The following IQSEC1 variants were observed in gnomAD, a reference collection of about 807,000 sequenced individuals.
IQSEC1 encodes IQ motif and SEC7 domain-containing protein 1.
In IQSEC1, 31 loss-of-function variants were observed where a neutral mutation model predicts 91.0. The ratio of observed to expected loss-of-function variants is 0.34; its 90% CI spans 0.26 to 0.46. The LOEUF (loss-of-function observed/expected upper bound fraction) is 0.46. Among genes scored for constraint, IQSEC1 ranks in the 20% least tolerant of loss-of-function variants. IQSEC1 has a pLI of 1.00. For synonymous variants in IQSEC1, 699 were observed against 662.6 expected (o/e 1.05, Z -0.84); for missense variants, 1,388 against 1,575.6 (o/e 0.88, Z 2.02).
At chr3:12,978,313 A>C (rs1275445777) in intron 1 of IQSEC1, among the ~76,000 whole-genome samples, 1 of 152,212 alleles carries the variant, frequency 6.6e-6, no homozygotes, top group Non-Finnish European at 1.5e-5. Context: ...GTGGGGTCCT[A>C]GAAACAGCAG....
intron 1 of IQSEC1, among the ~76,000 whole-genome samples, chr3:12,971,397 A>G (rs1449949646): frequency 6.6e-6 from 1 of 152,228 alleles, no homozygotes; most frequent in Admixed American, 6.5e-5. Flanking sequence ...GGCATGCCCA[A>G]GGATATTAAT....
intron 1 of IQSEC1, among the ~76,000 whole-genome samples, chr3:12,949,561 G>A (rs1419630519): frequency 6.6e-6 from 1 of 152,258 alleles, no homozygotes; most frequent in African/African-American, 2.4e-5. Context: ...TCCAGAAAGG[G>A]AGCCTAGACT....
chr3:13,197,417 C>T (rs973130795), intron 1 of IQSEC1, among the ~76,000 whole-genome samples: 3 of 152,134 alleles, frequency 2.0e-5, no homozygotes, highest in Non-Finnish European at 4.4e-5. Context: ...GCAGACAGGA[C>T]GTGCTGGTGC....
intron 3 of IQSEC1, among the ~76,000 whole-genome samples, chr3:12,933,777 C>G (rs545940160): frequency 6.6e-6 from 1 of 152,370 alleles, no homozygotes; most frequent in South Asian, 2.1e-4. Context: ...GAAGGAGAGA[C>G]TGCAACATGC....
At chr3:13,058,411 C>T (rs180853844) in intron 1 of IQSEC1, among the ~76,000 whole-genome samples, 2 of 152,384 alleles carry the variant, frequency 1.3e-5, no homozygotes, top group Admixed American at 1.3e-4. Context: ...CTGAGTGCCA[C>T]TGTGTGCCTG....
At chr3:13,108,298 T>C (rs943059894) in intron 2 of IQSEC1, among the ~76,000 whole-genome samples, 2 of 152,242 alleles carry the variant, frequency 1.3e-5, no homozygotes, top group Non-Finnish European at 2.9e-5. Context: ...CTAAGTTTTG[T>C]TATTGCTAAC....
chr3:13,042,069 C>T (rs1026053382), intron 1 of IQSEC1, among the ~76,000 whole-genome samples: 4 of 152,246 alleles, frequency 2.6e-5, no homozygotes, highest in Non-Finnish European at 4.4e-5. Flanking sequence ...GACTCTTTCT[C>T]TGCAGAAACT....
chr3:13,041,653 C>T lies in IQSEC1; in HGVS notation c.23+31339G>A, dbSNP rs192741190. Among the ~76,000 whole-genome samples, 276 of 152,332 alleles carry T rather than the reference C, an allele frequency of 1.8e-3. 1 individual carries two copies. The highest frequency in any genetic ancestry group is 6.3e-3 in the African/African-American group (262 of 41,576). On this transcript the variant is annotated intron_variant, in intron 1 of 13. Transcript: ENST00000613206. ...GTGTGCACTGGACAGAACACACACG[C>T]TCGGAAGAACCTGCCGGAGGTATGA...
upstream of IQSEC1, among the ~76,000 whole-genome samples, chr3:13,077,030 CTTTTT>C (rs11360262): frequency 6.9e-6 from 1 of 144,854 alleles, no homozygotes. Flanking sequence ...TTCTTTCTTT[CTTTTT>C]TTTTTTTTTT....
intron 13 of IQSEC1, among the ~76,000 whole-genome samples, chr3:12,901,742 G>A (rs1359859957): frequency 2.0e-5 from 3 of 152,200 alleles, no homozygotes; most frequent in South Asian, 2.1e-4. Flanking sequence ...AAAGTGGGGA[G>A]TGAGGGCAGG....
In IQSEC1 at chr3:12,908,796, C is replaced by G. The variant is rs1215836610; in HGVS notation, c.2579-271G>C. On this transcript the variant is annotated intron_variant, in intron 11 of 13. Coordinates refer to ENST00000613206, the MANE Select transcript of IQSEC1 (RefSeq NM_001134382.3). The surrounding 1 kb of genome is among the most constrained non-coding windows in gnomAD (Gnocchi z 4.9). ...TCGGGAGTGGACAGGGAGGCACAGA[C>G]TTGCCTGGGTCTGAGAGATGAGCAA... Among the ~76,000 whole-genome samples, 1 of 152,098 alleles carries G rather than the reference C, an allele frequency of 6.6e-6. No individual in the cohort carries two copies.
chr3:13,192,118 G>A (rs966922152), intron 1 of IQSEC1, among the ~76,000 whole-genome samples: 12 of 152,072 alleles, frequency 7.9e-5, no homozygotes, highest in Admixed American at 1.3e-4. Context: ...GGCGGATCAC[G>A]AGGTCAGGAG....
At chr3:13,138,245 C>A (rs76283753) in intron 2 of IQSEC1, among the ~76,000 whole-genome samples, 2,147 of 152,228 alleles carry the variant, frequency 0.014, 18 homozygotes, top group Non-Finnish European at 0.021. Context: ...TGGAGGCTCC[C>A]AGCGATCGAC....
At chr3:13,039,782 C>T (rs1041155866) in intron 1 of IQSEC1, among the ~76,000 whole-genome samples, 1 of 152,194 alleles carries the variant, frequency 6.6e-6, no homozygotes, top group Non-Finnish European at 1.5e-5. Context: ...TATTTCTGGT[C>T]GACAACTGCT....
At chr3:12,991,931 T>C (rs923243207) in intron 1 of IQSEC1, among the ~76,000 whole-genome samples, 2 of 152,226 alleles carry the variant, frequency 1.3e-5, no homozygotes, top group Middle Eastern at 3.4e-3. Flanking sequence ...CGGGCTGCCA[T>C]GGGCCCTTTA....
chr3:13,040,680 C>T (rs922600830), intron 1 of IQSEC1, among the ~76,000 whole-genome samples: 2 of 152,230 alleles, frequency 1.3e-5, no homozygotes, highest in Non-Finnish European at 2.9e-5. Context: ...AGCTCCATGG[C>T]CTTTTGCCAT....
rs990697594 is a variant in IQSEC1, at chr3:13,037,694, C to T, written c.23+35298G>A. ...TATGATTCAGCCTTAAAAGGAAGGA[C>T]ATTCTGACTCATGCTACAACATGGA... On this transcript the variant is annotated intron_variant, in intron 1 of 13. Transcript: ENST00000613206. 2.0e-4 allele frequency among the ~76,000 whole-genome samples: 30 copies of T among 152,124 alleles called. 1 individual carries two copies. Among genetic ancestry groups the T allele is most frequent in the Admixed American group, 5.2e-4 (8 of 15,278 alleles).
rs866436567 is a variant in IQSEC1, at chr3:12,978,706, A to C, written c.24-36841T>G. Among the ~76,000 whole-genome samples the C allele has an allele frequency of 5.0e-3, 89 of 17,734 alleles. 1 individual carries two copies. The South Asian group carries it at 0.12, about 24-fold the overall frequency. The allele number at this position is 17,734 out of a possible 152,430, so 11.6% of individuals were successfully genotyped here. On this transcript the variant is annotated intron_variant, in intron 1 of 13. Coordinates refer to ENST00000613206, the MANE Select transcript of IQSEC1 (RefSeq NM_001134382.3). ...GGCAATAGAGCGAGGCTCAGTCTCAAAAAAAAAAATAAATAAATAAAAAAG... is the reference window on the plus strand; with the variant it reads ...GGCAATAGAGCGAGGCTCAGTCTCACAAAAAAAAATAAATAAATAAAAAAG...
upstream of IQSEC1, among the ~76,000 whole-genome samples, chr3:13,074,142 A>ACTC (rs1477406487): frequency 6.6e-6 from 1 of 152,206 alleles, no homozygotes; most frequent in East Asian, 1.9e-4. Flanking sequence ...TCAGGATGAA[A>ACTC]AGAGAGCAGG....
Sources: gnomAD v4.1 joint callset for allele counts (sites outside exome capture counted in the v4.1 genomes callset) on GRCh38, gnomAD v4.1.1 for gene constraint, Gnocchi (gnomAD v3.1) non-coding constraint, MANE v1.5 for transcripts, NCBI Gene and HGNC (gene_info 2026-07-23, HGNC 2026-07-21) for gene names.